Variants in FAM178B observed in about 807,000 individuals in gnomAD.
FAM178B encodes family with sequence similarity 178 member B.
In FAM178B, 82 loss-of-function variants were observed where a neutral mutation model predicts 91.7. The observed-to-expected ratio is 0.89, with a 90% confidence interval of 0.75 to 1.07. The LOEUF is 1.07. Ranked by LOEUF, FAM178B falls within the 50% of genes least tolerant of loss-of-function variation. The pLI, the probability that FAM178B is intolerant of heterozygous loss-of-function variation, is 0.00. For missense variants in FAM178B, 769 were observed against 846.7 expected (o/e 0.91, Z 1.14); for synonymous variants, 368 against 359.4 (o/e 1.02, Z -0.27).
chr2:96,924,137 C>A (rs1483584111), intron 9 of FAM178B, among the ~76,000 whole-genome samples: 1 of 152,208 alleles, frequency 6.6e-6, no homozygotes, highest in Non-Finnish European at 1.5e-5. Context: ...GGACTGGCTC[C>A]CACATGCTAC....
chr2:96,922,875 T>C (rs1179433526), intron 10 of FAM178B, among the ~76,000 whole-genome samples: 1 of 152,146 alleles, frequency 6.6e-6, no homozygotes, highest in Non-Finnish European at 1.5e-5. Flanking sequence ...GGTTTTGCCA[T>C]GTTAGCCAGG....
intron 8 of FAM178B, among the ~76,000 whole-genome samples, chr2:96,943,963 C>G (rs552528972): frequency 2.3e-4 from 35 of 152,258 alleles, no homozygotes; most frequent in African/African-American, 8.4e-4. Flanking sequence ...TATATCCCAG[C>G]TGGGCGCGGT....
intron 1 of FAM178B, among the ~76,000 whole-genome samples, chr2:96,985,648 T>G (rs771057742): frequency 6.6e-6 from 1 of 152,220 alleles, no homozygotes; most frequent in Non-Finnish European, 1.5e-5. Context: ...TTCAGAATAT[T>G]ACAATGGTGC....
chr2:96,968,137 C>A (rs1395413643), intron 4 of FAM178B, among the ~76,000 whole-genome samples: 1 of 151,830 alleles, frequency 6.6e-6, no homozygotes, highest in Non-Finnish European at 1.5e-5. Context: ...TGCTCCTCAG[C>A]CACGTGACCA....
At chr2:96,953,206 T>G (rs1003068793) in intron 6 of FAM178B, among the ~76,000 whole-genome samples, 25 of 152,202 alleles carry the variant, frequency 1.6e-4, no homozygotes, top group African/African-American at 6.0e-4. Context: ...GCATGCTCCA[T>G]TCTATCCACG....
chr2:96,920,888 T>G (rs1189978259), intron 12 of FAM178B, among the ~76,000 whole-genome samples: 1 of 152,164 alleles, frequency 6.6e-6, no homozygotes, highest in Admixed American at 6.5e-5. Context: ...AGCTGAAGAC[T>G]GGGGAGGGAG....
At chr2:96,909,800 T>C (rs2081121083) in intron 12 of FAM178B, among the ~76,000 whole-genome samples, 2 of 152,228 alleles carry the variant, frequency 1.3e-5, no homozygotes, top group Non-Finnish European at 2.9e-5. Flanking sequence ...CTGCTGTCAG[T>C]TGTATTCATG....
chr2:96,878,494 C>A lies in FAM178B; in HGVS notation c.1777-1G>T, dbSNP rs2080302186. 1 of 1,613,764 alleles carries A rather than the reference C, an allele frequency of 6.2e-7. No homozygotes were observed. The highest frequency in any genetic ancestry group is 8.5e-7 in the Non-Finnish European group (1 of 1,179,996). On this transcript the variant is annotated splice_acceptor_variant, in intron 14 of 16. Coordinates refer to ENST00000490605, the MANE Select transcript of FAM178B (RefSeq NM_001122646.3). LOFTEE classifies it high-confidence loss of function. The stretch of plus-strand genomic sequence containing the variant: ...GCAAGCTGTGGCACAGGTAGCAGGC[C>A]TGGAGGGAGAGCACAGGGAGAGCTG...
At chr2:96,894,932 C>T (rs2080789878) in intron 13 of FAM178B, 1 of 590,276 alleles carries the variant, frequency 1.7e-6, no homozygotes, top group Admixed American at 2.9e-5. Context: ...TCCCCACCCC[C>T]TGCACTGCCG....
At chr2:96,924,849 G>A (rs2081408241) in intron 9 of FAM178B, among the ~76,000 whole-genome samples, 1 of 152,108 alleles carries the variant, frequency 6.6e-6, no homozygotes, top group African/African-American at 2.4e-5. Context: ...CACAGGGGAG[G>A]AAGAGCACTG....
intron 8 of FAM178B, among the ~76,000 whole-genome samples, chr2:96,939,599 A>T (rs951411032): frequency 6.6e-6 from 1 of 152,214 alleles, no homozygotes; most frequent in Non-Finnish European, 1.5e-5. Context: ...AGGCTGGCAC[A>T]TGCAAAGGCC....
intron 13 of FAM178B, among the ~76,000 whole-genome samples, chr2:96,894,302 CCACA>C (rs1214177288): frequency 2.7e-5 from 4 of 150,504 alleles, no homozygotes; most frequent in Non-Finnish European, 5.9e-5. Flanking sequence ...CACGCCCCAC[CCACA>C]CACACACAGA....
At chr2:96,977,186 C>G (rs2082299933) in intron 1 of FAM178B, among the ~76,000 whole-genome samples, 1 of 106,252 alleles carries the variant, frequency 9.4e-6, no homozygotes, top group African/African-American at 3.5e-5. Context: ...CAGAGCAAGA[C>G]TCTGTCTCAA....
intron 8 of FAM178B, among the ~76,000 whole-genome samples, chr2:96,940,593 A>G (rs2081712417): frequency 6.6e-6 from 1 of 152,234 alleles, no homozygotes; most frequent in African/African-American, 2.4e-5. Flanking sequence ...CCATTTATAT[A>G]AAATTCTAGA....
At chr2:96,960,655 T>G (rs1298982129) in intron 5 of FAM178B, among the ~76,000 whole-genome samples, 1 of 152,198 alleles carries the variant, frequency 6.6e-6, no homozygotes, top group Non-Finnish European at 1.5e-5. Context: ...GCCTATCCCT[T>G]GCTCAGGGCA....
At chr2:96,961,793 C>T (rs2153374940) in intron 5 of FAM178B, among the ~76,000 whole-genome samples, 1 of 152,222 alleles carries the variant, frequency 6.6e-6, no homozygotes, top group East Asian at 1.9e-4. Context: ...CCAAGTGACC[C>T]AAGGTACGGC....
At chr2:96,920,708 G>A (rs2081322523) in intron 12 of FAM178B, among the ~76,000 whole-genome samples, 1 of 152,202 alleles carries the variant, frequency 6.6e-6, no homozygotes, top group Admixed American at 6.5e-5. Flanking sequence ...TCTGGTAGAG[G>A]TAACTTCGAG....
At position 96,923,603 on chromosome 2, in the gene FAM178B, G is replaced by A. The variant is rs2153371088; in HGVS notation, c.1194-20C>T. ...AGCACCCTGTGGTAAGACAACAACA[G>A]TGACGATGGGAAACCCAGGAGGGGG... On this transcript the variant is annotated intron_variant, in intron 9 of 16. Coordinates refer to ENST00000490605, the MANE Select transcript of FAM178B (RefSeq NM_001122646.3). 3.2e-6 allele frequency: 5 copies of A among 1,545,066 alleles called. No homozygotes were observed. The highest frequency in any genetic ancestry group is 4.4e-6 in the Non-Finnish European group (5 of 1,141,096).
Position 96,986,286 on chromosome 2 carries a change from G to A in FAM178B, c.28C>T (p.Leu10Phe), listed in dbSNP as rs2082422820. Residue 10 changes from leucine to phenylalanine, a missense_variant, in exon 1 of 17, where the codon CTC becomes TTC. By Grantham distance (22) the Leu-to-Phe change is conservative. Transcript: ENST00000490605. ...TCCTGCCTCCTGAGTTGTGGAGCGA[G>A]GCCCGCACCTGGAAGCCTTGGCCAC... MWPRLPGAG[L>F]APQLRRQDQR... is the part of the protein sequence containing the mutation. 6.5e-7 allele frequency: 1 copy of A among 1,534,404 alleles called. No individual in the cohort carries two copies.
Sources: gnomAD v4.1 joint callset for allele counts (sites outside exome capture counted in the v4.1 genomes callset) on GRCh38, gnomAD v4.1.1 for gene constraint, MANE v1.5 for transcripts, NCBI Gene and HGNC (gene_info 2026-07-23, HGNC 2026-07-21) for gene names.